ADGRV1: variants seen among roughly 807,000 people sequenced by gnomAD.
ADGRV1 encodes adhesion G protein-coupled receptor V1, also known as G-protein coupled receptor 98.
ADGRV1 carries 359 observed loss-of-function variants against 596.2 expected under a neutral mutation model. The ratio of observed to expected loss-of-function variants is 0.60; its 90% confidence interval spans 0.55 to 0.66. The LOEUF (loss-of-function observed/expected upper bound fraction) is 0.66. Among genes scored for constraint, ADGRV1 ranks in the 30% least tolerant of loss-of-function variants. The probability of loss-of-function intolerance (pLI) is 0.00; values close to 1 mark genes in which losing one functional copy is unlikely to be tolerated. For missense variants in ADGRV1, 7,274 were observed against 7,575.6 expected, an observed-to-expected ratio of 0.96 and a Z score of 1.48; for synonymous variants, 2,681 against 2,679.2, an observed-to-expected ratio of 1.00 and a Z score of -0.02.
Position 90,745,190 on chromosome 5 carries a change from T to C in ADGRV1, c.10694T>C (p.Leu3565Ser). ...TVKSLNSSKN[L>S]IALVGAHSHI... ...AAGTCCCTTAATTCAAGCAAGAATT[T>C]AATAGCTCTAGTGGGAGCTCATTCA... Residue 3565 changes from leucine to serine, a missense_variant, in exon 51 of 90, where the codon TTA becomes TCA. By Grantham distance (145) the Leu-to-Ser change is moderately radical (BLOSUM62 -2). Around this residue, in one of 5 missense-constraint regions of ADGRV1, gnomAD observed 3,643 missense variants for 3,809.2 expected, o/e 0.96. Transcript: ENST00000405460. 1.9e-6 allele frequency: 3 copies of C among 1,613,050 alleles called. No individual in the cohort carries two copies. Among genetic ancestry groups the C allele is most frequent in the Non-Finnish European group, 2.5e-6 (3 of 1,179,664 alleles).
intron 74 of ADGRV1, among the ~76,000 whole-genome samples, chr5:90,814,230 C>A (rs1762698412): frequency 6.6e-6 from 1 of 152,188 alleles, no homozygotes; most frequent in African/African-American, 2.4e-5. Flanking sequence ...AAATGTAGCC[C>A]ATCACTTGCA....
chr5:90,851,551 A>G (rs1396792010), intron 79 of ADGRV1, among the ~76,000 whole-genome samples: 1 of 152,206 alleles, frequency 6.6e-6, no homozygotes, highest in African/African-American at 2.4e-5. Context: ...GGAATCTAGA[A>G]CAATCACTTG....
At chr5:90,951,124 C>G (rs1175388815) in intron 83 of ADGRV1, among the ~76,000 whole-genome samples, 1 of 152,190 alleles carries the variant, frequency 6.6e-6, no homozygotes, top group African/African-American at 2.4e-5. Context: ...AGATGGTCCT[C>G]TCTTTCCAAG....
chr5:91,153,330 G>T lies in ADGRV1; in HGVS notation c.18734G>T (p.Gly6245Val). Reference protein sequence around the residue: ...GATFPSSGGYGQGSLIADEES... With the variant: ...GATFPSSGGYVQGSLIADEES... ...ACGTTCCCGTCCTCTGGAGGATATGGCCAGGGGTCACTGATAGCCGATGAG... is the reference window on the plus strand; with the variant it reads ...ACGTTCCCGTCCTCTGGAGGATATGTCCAGGGGTCACTGATAGCCGATGAG... The change falls in exon 89 of 90, where the codon GGC (glycine) becomes GTC (valine). Residue 6245 changes from glycine to valine, a missense_variant. Coordinates refer to ENST00000405460, the MANE Select transcript of ADGRV1 (RefSeq NM_032119.4). 6.2e-7 allele frequency: 1 copy of T among 1,612,620 alleles called. No homozygotes were observed. Among genetic ancestry groups the T allele is most frequent in the Non-Finnish European group, 8.5e-7 (1 of 1,179,346 alleles).
At chr5:90,939,972 T>C (rs971979545) in intron 83 of ADGRV1, among the ~76,000 whole-genome samples, 2 of 152,224 alleles carry the variant, frequency 1.3e-5, no homozygotes, top group African/African-American at 4.8e-5. Flanking sequence ...CTGTCATTCT[T>C]ACCTAGCCTC....
chr5:91,147,503 T>C (rs952340472), intron 87 of ADGRV1, among the ~76,000 whole-genome samples: 4 of 152,130 alleles, frequency 2.6e-5, no homozygotes, highest in Non-Finnish European at 5.9e-5. Context: ...TGATAATGAG[T>C]GCATCTCATT....
chr5:91,034,761 AC>A (rs1784730754), intron 85 of ADGRV1, among the ~76,000 whole-genome samples: 1 of 152,146 alleles, frequency 6.6e-6, no homozygotes, highest in Non-Finnish European at 1.5e-5. Context: ...AGTCAGAGTG[AC>A]AAGCAGACAA....
intron 84 of ADGRV1, among the ~76,000 whole-genome samples, chr5:90,971,574 A>G (rs2150991992): frequency 6.6e-6 from 1 of 152,334 alleles, no homozygotes; most frequent in African/African-American, 2.4e-5. Context: ...AGAATTTTCA[A>G]CCCAGAATTT....
At chr5:90,866,617 A>G (rs1768136055) in intron 83 of ADGRV1, among the ~76,000 whole-genome samples, 1 of 152,052 alleles carries the variant, frequency 6.6e-6, no homozygotes, top group African/African-American at 2.4e-5. Context: ...GCAAATACAC[A>G]TTTGTGGTGT....
chr5:90,833,095 A>G (rs1764655864), intron 77 of ADGRV1, among the ~76,000 whole-genome samples: 1 of 151,892 alleles, frequency 6.6e-6, no homozygotes, highest in South Asian at 2.1e-4. Context: ...AGTCTTTTGT[A>G]GTTCCATTTA....
At chr5:90,776,668 A>G (rs974936889) in intron 61 of ADGRV1, 92 bp downstream of exon 61, 3 of 1,341,086 alleles carry the variant, frequency 2.2e-6, no homozygotes, top group African/African-American at 2.9e-5. Flanking sequence ...CAATACATAC[A>G]TAGTCTTCAA....
At chr5:91,114,501 T>C (rs910697185) in intron 87 of ADGRV1, among the ~76,000 whole-genome samples, 1 of 151,902 alleles carries the variant, frequency 6.6e-6, no homozygotes, top group Non-Finnish European at 1.5e-5. Flanking sequence ...CACTCCAGCC[T>C]CGGCAACAGA....
At chr5:90,697,185 TC>T in intron 34 of ADGRV1, 39 bp downstream of exon 34, 1 of 1,532,952 alleles carries the variant, frequency 6.5e-7, no homozygotes, top group East Asian at 2.3e-5. Flanking sequence ...CATTTTCTTT[TC>T]TATGGATGTT....
chr5:90,651,556 C>A, intron 17 of ADGRV1, 48 bp from the exon 18 acceptor site: 3 of 1,365,092 alleles, frequency 2.2e-6, no homozygotes, highest in Non-Finnish European at 2.0e-6. Flanking sequence ...AATTTTACAG[C>A]AAGTTAGCTA....
chr5:91,163,832 G>T lies in ADGRV1; in HGVS notation c.18853G>T (p.Gly6285Trp). 3 of 1,607,142 alleles carry T rather than the reference G, an allele frequency of 1.9e-6. No homozygotes were observed. Among genetic ancestry groups the T allele is most frequent in the South Asian group, 2.2e-5 (2 of 89,970 alleles). Residue 6285 changes from glycine (G) to tryptophan (W), a missense_variant, in exon 90 of 90, where the codon GGG (glycine) becomes TGG (tryptophan). Around this residue, in one of 5 missense-constraint regions of ADGRV1, gnomAD observed 1,874 missense variants for 1,970.2 expected, o/e 0.95. Coordinates refer to ENST00000405460, the MANE Select transcript of ADGRV1 (RefSeq NM_032119.4). ...TGAATCTGGTCAAGGCAGCCAGGAGGGGGGCACCTTGACTGACTCCCAGAT... is the reference window on the plus strand; with the variant it reads ...TGAATCTGGTCAAGGCAGCCAGGAGTGGGGCACCTTGACTGACTCCCAGAT... ...DNESGQGSQE[G>W]GTLTDSQIVE... is the part of the protein sequence containing the mutation.
intron 86 of ADGRV1, among the ~76,000 whole-genome samples, chr5:91,092,142 C>T (rs1790440432): frequency 6.6e-6 from 1 of 152,052 alleles, no homozygotes; most frequent in African/African-American, 2.4e-5. Flanking sequence ...GCTCTGTCAC[C>T]CAGGCTGGAG....
rs775217700 is a variant in ADGRV1, at chr5:90,617,823, G to T, written c.227G>T (p.Gly76Val). The change falls in exon 3 of 90, where the codon GGT (glycine) becomes GTT (valine). Residue 76 changes from glycine (G) to valine (V), a missense_variant. Physicochemically the swap from Gly to Val is moderately radical, Grantham distance 109. This residue lies in a region of ADGRV1 where 1,715 missense variants were observed against 1,708.8 expected (regional missense o/e 1.00). Coordinates refer to ENST00000405460, the MANE Select transcript of ADGRV1 (RefSeq NM_032119.4). ...AIVSLYGEDA[G>V]DFFDTYAAAF... ...TGATAGCTGTATGGAGAGGACGCTG[G>T]TGACTTTTTTGACACATATGCTGCA... The T allele has an allele frequency of 1.3e-6, 2 of 1,597,830 alleles. No individual in the cohort carries two copies. The highest frequency in any genetic ancestry group is 1.7e-6 in the Non-Finnish European group (2 of 1,171,448).
intron 70 of ADGRV1, among the ~76,000 whole-genome samples, chr5:90,797,287 C>CAAAAAAAAAAAAAAAA (rs780696194): frequency 6.9e-3 from 181 of 26,068 alleles, no homozygotes; most frequent in Admixed American, 0.011. Context: ...AAATGAAAAG[C>CAAAAAAAAAAAAAAAA]AAAAAAAAAA....
At position 90,855,841 on chromosome 5, in the gene ADGRV1, A is replaced by G. The variant is rs2150417526; in HGVS notation, c.17695A>G (p.Thr5899Ala). 6.2e-7 allele frequency: 1 copy of G among 1,613,160 alleles called. No homozygotes were observed. Among genetic ancestry groups the G allele is most frequent in the East Asian group, 2.2e-5 (1 of 44,864 alleles). ...HMSVYAVYARTDNLSSYNEAF... is the reference protein window; with the variant it reads ...HMSVYAVYARADNLSSYNEAF... ...GTCTGTGTATGCTGTCTATGCTCGG[A>G]CTGACAACTTGTCTTCATACAATGA... Residue 5899 changes from threonine to alanine, a missense_variant, in exon 82 of 90, where the codon ACT (threonine) becomes GCT (alanine). Coordinates refer to ENST00000405460, the MANE Select transcript of ADGRV1 (RefSeq NM_032119.4).
Sources: allele counts gnomAD v4.1 joint callset (sites outside exome capture counted in the v4.1 genomes callset), GRCh38; gene constraint gnomAD v4.1.1; regional missense constraint gnomAD v4.1.1; transcripts MANE v1.5; gene names NCBI Gene and HGNC (gene_info 2026-07-23, HGNC 2026-07-21).